MDGA2: variants seen among roughly 807,000 people sequenced by gnomAD.
The protein encoded by MDGA2 is MAM domain-containing glycosylphosphatidylinositol anchor protein 2.
In MDGA2, 40 loss-of-function variants were observed where a neutral mutation model predicts 117.8. That is an observed-to-expected ratio of 0.34 (90% confidence interval 0.26 to 0.44). The LOEUF is 0.44. Ranked by LOEUF, MDGA2 falls within the 20% of genes least tolerant of loss-of-function variation. MDGA2 has a pLI of 1.00. For synonymous variants in MDGA2, 452 were observed against 439.0 expected (o/e 1.03, Z -0.37); for missense variants, 1,123 against 1,250.6 (o/e 0.90, Z 1.54).
chr14:47,023,313 G>T (rs1193138912), intron 8 of MDGA2, among the ~76,000 whole-genome samples: 4 of 151,926 alleles, frequency 2.6e-5, no homozygotes, highest in Admixed American at 2.6e-4. Flanking sequence ...GGAATCTCTT[G>T]CAGGAGGTAA....
chr14:47,592,456 A>G (rs1023686618), intron 1 of MDGA2, among the ~76,000 whole-genome samples: 1 of 152,186 alleles, frequency 6.6e-6, no homozygotes, highest in Admixed American at 6.6e-5. Flanking sequence ...AAAAGAACAA[A>G]GCTGGAGGCA....
At chr14:47,450,320 A>G (rs1384165032) in intron 1 of MDGA2, among the ~76,000 whole-genome samples, 2 of 151,900 alleles carry the variant, frequency 1.3e-5, no homozygotes, top group Non-Finnish European at 2.9e-5. Context: ...GAAACACATA[A>G]AATAGTATCC....
intron 2 of MDGA2, among the ~76,000 whole-genome samples, chr14:47,267,631 T>C (rs1439249763): frequency 6.6e-6 from 1 of 152,312 alleles, no homozygotes; most frequent in Non-Finnish European, 1.5e-5. Flanking sequence ...ATATCTGTTT[T>C]ATAGGTTACT....
chr14:46,918,265 T>C (rs1011998259), intron 10 of MDGA2, among the ~76,000 whole-genome samples: 1 of 147,096 alleles, frequency 6.8e-6, no homozygotes, highest in African/African-American at 2.6e-5. Context: ...TCTTACATTT[T>C]TACAAAGCAT....
chr14:47,271,998 T>C (rs79300325), intron 2 of MDGA2, among the ~76,000 whole-genome samples: 172 of 152,268 alleles, frequency 1.1e-3, no homozygotes, highest in African/African-American at 4.0e-3. Context: ...TTGCTTTTCC[T>C]TTACATGCTA....
chr14:47,407,316 A>G (rs1008192392), intron 1 of MDGA2, among the ~76,000 whole-genome samples: 12 of 152,090 alleles, frequency 7.9e-5, no homozygotes, highest in African/African-American at 2.7e-4. Context: ...CAGTATAATC[A>G]TTTACAAATT....
intron 1 of MDGA2, among the ~76,000 whole-genome samples, chr14:47,606,178 A>G (rs1273168736): frequency 6.6e-6 from 1 of 152,170 alleles, no homozygotes; most frequent in Non-Finnish European, 1.5e-5. Flanking sequence ...TCCTTTCCAT[A>G]CTCACTATTA....
intron 15 of MDGA2, among the ~76,000 whole-genome samples, chr14:46,848,868 T>C (rs2138280990): frequency 6.6e-6 from 1 of 152,092 alleles, no homozygotes; most frequent in Admixed American, 6.6e-5. Context: ...AATCAAAGCG[T>C]CACGTGTCCA....
chr14:47,619,126 CA>C, intron 1 of MDGA2, among the ~76,000 whole-genome samples: 1 of 131,206 alleles, frequency 7.6e-6, no homozygotes, highest in South Asian at 3.1e-4. Context: ...TACACACACA[CA>C]CACACACACA....
rs541799232 is a variant in MDGA2 at position 47,475,696 on chromosome 14, C to A, written c.281-174146G>T. ...TCAGGGACATAGATGGAGCTCGAAG[C>A]CATTACCCTCAGCAAACTAATGCAG... On this transcript the variant is annotated intron_variant, in intron 1 of 16. Coordinates refer to ENST00000399232, the MANE Select transcript of MDGA2 (RefSeq NM_001113498.3). Among the ~76,000 whole-genome samples, 34 of 152,204 alleles carry A rather than the reference C, an allele frequency of 2.2e-4. No individual in the cohort carries two copies. In the South Asian group the frequency reaches 6.4e-3, roughly 29 times the overall value.
chr14:46,957,403 C>T lies in MDGA2; in HGVS notation c.2060G>A (p.Gly687Glu). 6.2e-7 allele frequency: 1 copy of T among 1,613,910 alleles called. No individual in the cohort carries two copies. Among genetic ancestry groups the T allele is most frequent in the South Asian group, 1.1e-5 (1 of 91,056 alleles). Residue 687 changes from glycine (G) to glutamate (E), a missense_variant, in exon 9 of 17, where the codon GGA becomes GAA. Physicochemically the swap from Gly to Glu is moderately conservative, Grantham distance 98. Transcript: ENST00000399232. ...AACAAGAAAGCTGCATCTCCCAGCT[C>T]CAGCTTCATTTATGATGCTACAGTT... ...VYNCSIINEA[G>E]AGRCSFLVTG...
chr14:47,541,991 A>T (rs1228789473), intron 1 of MDGA2, among the ~76,000 whole-genome samples: 1 of 152,228 alleles, frequency 6.6e-6, no homozygotes, highest in Admixed American at 6.5e-5. Flanking sequence ...CTCTCAACGC[A>T]TTATCATCTA....
chr14:47,349,195 G>A (rs1890825522), intron 1 of MDGA2, among the ~76,000 whole-genome samples: 1 of 152,196 alleles, frequency 6.6e-6, no homozygotes, highest in African/African-American at 2.4e-5. Context: ...GGAGACAAGT[G>A]CTAATAGAAA....
At chr14:47,216,226 T>C (rs186112214) in intron 3 of MDGA2, among the ~76,000 whole-genome samples, 33 of 152,332 alleles carry the variant, frequency 2.2e-4, no homozygotes, top group Admixed American at 2.2e-3. Flanking sequence ...TCCCGCTTTA[T>C]ATTTAACTTG....
intron 1 of MDGA2, among the ~76,000 whole-genome samples, chr14:47,639,045 T>C (rs1259022013): frequency 6.6e-6 from 1 of 152,186 alleles, no homozygotes; most frequent in Non-Finnish European, 1.5e-5. Flanking sequence ...ATTTAGGTCT[T>C]TGATGAAATG....
chr14:47,220,706 C>A (rs1279257404), intron 2 of MDGA2, among the ~76,000 whole-genome samples: 1 of 152,076 alleles, frequency 6.6e-6, no homozygotes, highest in African/African-American at 2.4e-5. Context: ...GACTGATAGC[C>A]AAACTCAATT....
intron 8 of MDGA2, among the ~76,000 whole-genome samples, chr14:47,012,106 G>A (rs1010930846): frequency 6.6e-6 from 1 of 151,900 alleles, no homozygotes; most frequent in Non-Finnish European, 1.5e-5. Flanking sequence ...AGTGTATGAT[G>A]ACAAGATCAG....
intron 10 of MDGA2, among the ~76,000 whole-genome samples, chr14:46,896,231 T>C (rs1883071090): frequency 6.6e-6 from 1 of 152,138 alleles, no homozygotes; most frequent in South Asian, 2.1e-4. Context: ...TGATGTACCA[T>C]AGCTTTAATT....
intron 1 of MDGA2, among the ~76,000 whole-genome samples, chr14:47,304,532 C>T (rs1047322436): frequency 6.6e-6 from 1 of 152,086 alleles, no homozygotes; most frequent in Non-Finnish European, 1.5e-5. Context: ...AGCAGAATTG[C>T]TCCAAACTTA....
Sources: gnomAD v4.1 joint callset for allele counts (sites outside exome capture counted in the v4.1 genomes callset) on GRCh38, gnomAD v4.1.1 for gene constraint, MANE v1.5 for transcripts, NCBI Gene and HGNC (gene_info 2026-07-23, HGNC 2026-07-21) for gene names.